OPA1: variants seen among roughly 807,000 people sequenced by gnomAD.
OPA1 encodes the protein OPA1 mitochondrial dynamin like GTPase.
OPA1 carries 59 observed loss-of-function variants against 152.9 expected under a neutral mutation model. That is an observed-to-expected ratio of 0.39 (90% CI 0.31 to 0.48). The LOEUF is 0.48. OPA1 is among the 20% of genes least tolerant of loss of function. The pLI, the probability that OPA1 is intolerant of heterozygous loss-of-function variation, is 0.96. For missense variants in OPA1, 1,008 were observed against 1,216.8 expected, an observed-to-expected ratio of 0.83 and a Z score of 2.55; for synonymous variants, 400 against 389.9, an observed-to-expected ratio of 1.03 and a Z score of -0.31.
In OPA1 at chr3:193,684,832, T is replaced by TATAAAAGCC. The variant is rs1268892473; in HGVS notation, c.2984-7231_2984-7230insATAAAAGCC. 7.8e-4 allele frequency among the ~76,000 whole-genome samples: 119 copies of TATAAAAGCC among 152,184 alleles called. 1 individual carries two copies. The highest frequency in any genetic ancestry group is 2.8e-3 in the African/African-American group (115 of 41,522). ...TAGAATTGCCATCCACTTAAGAAAG[T>TATAAAAGCC]TGAGTGGTCTAACAAGTATAAAAGC... On this transcript the variant is annotated intron_variant, in intron 29 of 30. Transcript: ENST00000361510.
chr3:193,676,699 G>T (rs1719041130), intron 29 of OPA1, among the ~76,000 whole-genome samples: 1 of 152,188 alleles, frequency 6.6e-6, no homozygotes, highest in Admixed American at 6.5e-5. Flanking sequence ...TCACCGTTGT[G>T]GCCGGGTGTG....
At chr3:193,642,872 A>T (rs746750317) in intron 12 of OPA1, 27 bp downstream of exon 12, 1 of 1,571,824 alleles carries the variant, frequency 6.4e-7, no homozygotes, top group African/African-American at 1.4e-5. Context: ...TAAGGTTGAT[A>T]TGTGTAATTT....
At chr3:193,662,240 T>A (rs953749550) in intron 25 of OPA1, among the ~76,000 whole-genome samples, 3 of 152,138 alleles carry the variant, frequency 2.0e-5, no homozygotes, top group Admixed American at 6.6e-5. Flanking sequence ...TAATTACAGA[T>A]AAGAGACTGG....
At chr3:193,645,657 T>C (rs1734465481) in intron 17 of OPA1, 32 bp downstream of exon 17, 1 of 1,606,660 alleles carries the variant, frequency 6.2e-7, no homozygotes, top group East Asian at 2.2e-5. Context: ...TAACTTATTT[T>C]TAGTTTCTGT....
intron 30 of OPA1, among the ~76,000 whole-genome samples, chr3:193,694,246 A>G (rs1274376322): frequency 6.6e-6 from 1 of 152,194 alleles, no homozygotes; most frequent in African/African-American, 2.4e-5. Context: ...ACCTTGCTTC[A>G]TTCTGACCAT....
chr3:193,647,310 T>G (rs1475335956), intron 19 of OPA1, 130 bp downstream of exon 19: 3 of 681,316 alleles, frequency 4.4e-6, no homozygotes, highest in Non-Finnish European at 7.9e-6. Flanking sequence ...TTAGACAGTA[T>G]CTGGAAAATA....
chr3:193,638,747 A>G (rs1733313721), intron 11 of OPA1, among the ~76,000 whole-genome samples: 1 of 152,180 alleles, frequency 6.6e-6, no homozygotes, highest in South Asian at 2.1e-4. Flanking sequence ...AGGATTTGAC[A>G]TTTTCAGCTA....
chr3:193,617,707 G>T, intron 4 of OPA1, 77 bp from the exon 5 acceptor site: 1 of 1,075,392 alleles, frequency 9.3e-7, no homozygotes, highest in South Asian at 1.3e-5. Context: ...TATGAAATCT[G>T]AGATCTCAGA....
intron 29 of OPA1, among the ~76,000 whole-genome samples, chr3:193,670,467 G>A (rs911073098): frequency 6.6e-6 from 1 of 150,948 alleles, no homozygotes; most frequent in African/African-American, 2.4e-5. Context: ...CTCACTGCAA[G>A]GTGGTTCTCC....
intron 1 of OPA1, among the ~76,000 whole-genome samples, chr3:193,611,669 A>T: frequency 6.6e-6 from 1 of 151,538 alleles, no homozygotes; most frequent in East Asian, 1.9e-4. Context: ...TTCCCATTGC[A>T]ACTTATGTTT....
intron 7 of OPA1, among the ~76,000 whole-genome samples, chr3:193,627,703 A>T (rs1322576826): frequency 6.6e-6 from 1 of 152,160 alleles, no homozygotes; most frequent in African/African-American, 2.4e-5. Context: ...AATTCAAGAG[A>T]TATCCATAAT....
intron 26 of OPA1, 89 bp downstream of exon 26, chr3:193,663,051 A>G (rs1715665940): frequency 7.3e-7 from 1 of 1,366,222 alleles, no homozygotes; most frequent in East Asian, 2.3e-5. Flanking sequence ...TTAGATATTT[A>G]AGTGCTTAAT....
chr3:193,670,377 T>G (rs1304164767), intron 29 of OPA1, among the ~76,000 whole-genome samples: 1 of 151,670 alleles, frequency 6.6e-6, no homozygotes, highest in East Asian at 1.9e-4. Flanking sequence ...CCTTGGAGAC[T>G]TCCCCCCCAC....
In OPA1 at chr3:193,657,200, C is replaced by A; in HGVS notation, c.2299C>A (p.His767Asn). The A allele has an allele frequency of 6.2e-7, 1 of 1,613,948 alleles. No individual in the cohort carries two copies. Among genetic ancestry groups the A allele is most frequent in the Non-Finnish European group, 8.5e-7 (1 of 1,179,922 alleles). ...TGTTAAGGAAGAAAGTATTAAACGA[C>A]ACAAGTGGAATGACTTTGCGGAGGA... is the stretch of plus-strand genomic sequence containing the variant. The part of the protein sequence containing the change: ...EAVKEESIKR[H>N]KWNDFAEDSL... The change falls in exon 23 of 31, where the codon CAC becomes AAC. Residue 767 changes from histidine (H) to asparagine (N), a missense_variant. Around this residue, in one of 7 missense-constraint regions of OPA1, gnomAD observed 229 missense variants for 269.0 expected, o/e 0.85. Coordinates refer to ENST00000361510, the MANE Select transcript of OPA1 (RefSeq NM_130837.3).
intron 1 of OPA1, among the ~76,000 whole-genome samples, chr3:193,603,991 A>G (rs1451719848): frequency 1.3e-5 from 2 of 152,230 alleles, no homozygotes; most frequent in Admixed American, 6.5e-5. Context: ...GAAGTAATTC[A>G]TAAGATGTTA....
chr3:193,659,392 T>C, intron 24 of OPA1, 90 bp from the exon 25 acceptor site: 1 of 1,161,744 alleles, frequency 8.6e-7, no homozygotes, highest in Admixed American at 2.0e-5. Flanking sequence ...TATAGCACTT[T>C]GAAATAGTTA....
At chr3:193,636,220 C>T (rs1418747546) in intron 9 of OPA1, among the ~76,000 whole-genome samples, 5 of 151,718 alleles carry the variant, frequency 3.3e-5, no homozygotes, top group African/African-American at 2.4e-5. Flanking sequence ...AACAAACATG[C>T]ATTAGTAGCT....
At chr3:193,672,539 A>C (rs1404063915) in intron 29 of OPA1, among the ~76,000 whole-genome samples, 3 of 152,152 alleles carry the variant, frequency 2.0e-5, no homozygotes, top group African/African-American at 7.2e-5. Flanking sequence ...TGACACATTC[A>C]AGGGGCATTA....
At chr3:193,642,435 T>G (rs1733924735) in intron 11 of OPA1, among the ~76,000 whole-genome samples, 1 of 152,212 alleles carries the variant, frequency 6.6e-6, no homozygotes, top group South Asian at 2.1e-4. Flanking sequence ...TTTCAAGTTT[T>G]AGAGAGATGA....
Sources: gnomAD v4.1 joint callset for allele counts (sites outside exome capture counted in the v4.1 genomes callset) on GRCh38, gnomAD v4.1.1 for gene constraint, gnomAD v4.1.1 regional missense constraint, MANE v1.5 for transcripts, NCBI Gene and HGNC (gene_info 2026-07-23, HGNC 2026-07-21) for gene names.